The following SEMA5A variants were observed in gnomAD, a reference collection of about 807,000 sequenced individuals.
SEMA5A encodes semaphorin 5A.
Under a neutral mutation model 135.5 loss-of-function variants are expected in SEMA5A, and 55 were observed. The ratio of observed to expected loss-of-function variants is 0.41; its 90% CI spans 0.33 to 0.51. The LOEUF is 0.51. Ranked by LOEUF, SEMA5A falls within the 20% of genes least tolerant of loss-of-function variation. The pLI is 0.37. For synonymous variants in SEMA5A, 580 were observed against 546.5 expected (o/e 1.06, Z -0.85); for missense variants, 1,290 against 1,419.9 (o/e 0.91, Z 1.47).
intron 5 of SEMA5A, among the ~76,000 whole-genome samples, chr5:9,306,277 G>A (rs991545290): frequency 1.3e-5 from 2 of 152,106 alleles, no homozygotes; most frequent in Admixed American, 1.3e-4. Context: ...TTGTATGTGA[G>A]TTAGAGTTTT....
At chr5:9,233,533 T>C (rs1288656446) in intron 6 of SEMA5A, among the ~76,000 whole-genome samples, 4 of 152,060 alleles carry the variant, frequency 2.6e-5, no homozygotes, top group Admixed American at 2.6e-4. Flanking sequence ...CCAAGGGAGC[T>C]GAACATTTTC....
rs78147291 is a variant in SEMA5A, at chr5:9,400,860, G to T, written c.-77-20837C>A. On this transcript the variant is annotated intron_variant, in intron 2 of 22. Transcript: ENST00000382496. ...TCAACTCTACAATTACTTTAAATAC[G>T]TTACATTATATACAATTATAATTTA... is the stretch of plus-strand genomic sequence containing the variant. 6.9e-3 allele frequency among the ~76,000 whole-genome samples: 1,050 copies of T among 152,052 alleles called. 16 individuals are homozygous for T. Among genetic ancestry groups the T allele is most frequent in the African/African-American group, 0.024 (997 of 41,474 alleles).
At chr5:9,496,602 A>ATAT (rs1735314120) in intron 1 of SEMA5A, among the ~76,000 whole-genome samples, 1 of 152,306 alleles carries the variant, frequency 6.6e-6, no homozygotes, top group African/African-American at 2.4e-5. Context: ...AGATCAGAAA[A>ATAT]TATGTCTAAT....
chr5:9,453,647 A>G (rs1191889481), intron 1 of SEMA5A, among the ~76,000 whole-genome samples: 1 of 152,234 alleles, frequency 6.6e-6, no homozygotes, highest in Non-Finnish European at 1.5e-5. Flanking sequence ...AAACAAGGTT[A>G]TTTATTGATC....
chr5:9,207,954 CTG>C (rs1746138978), intron 8 of SEMA5A, among the ~76,000 whole-genome samples: 1 of 152,156 alleles, frequency 6.6e-6, no homozygotes, highest in Admixed American at 6.5e-5. Flanking sequence ...ACATTTGTGT[CTG>C]TGTATATGTG....
chr5:9,402,714 T>C (rs567192992), intron 2 of SEMA5A, among the ~76,000 whole-genome samples: 3 of 152,336 alleles, frequency 2.0e-5, no homozygotes, highest in Admixed American at 2.0e-4. Flanking sequence ...CCCAATAATC[T>C]CATCCTGCTT....
At chr5:9,055,735 C>A (rs371968087) in intron 18 of SEMA5A, among the ~76,000 whole-genome samples, 4 of 152,084 alleles carry the variant, frequency 2.6e-5, no homozygotes, top group African/African-American at 9.7e-5. Context: ...CAATAGTTTA[C>A]ACAAACTTGC....
chr5:9,417,361 T>C (rs1757316944), intron 2 of SEMA5A, among the ~76,000 whole-genome samples: 1 of 152,242 alleles, frequency 6.6e-6, no homozygotes, highest in Non-Finnish European at 1.5e-5. Context: ...CGTGTGCACA[T>C]TATCCACTTT....
intron 18 of SEMA5A, 133 bp from the exon 19 acceptor site, chr5:9,054,390 C>G: frequency 8.8e-7 from 1 of 1,139,148 alleles, no homozygotes; most frequent in Non-Finnish European, 1.2e-6. Context: ...AGAAAGGCTT[C>G]AGTGCATAGG....
chr5:9,503,610 A>C (rs1735704490), intron 1 of SEMA5A, among the ~76,000 whole-genome samples: 3 of 152,192 alleles, frequency 2.0e-5, no homozygotes, highest in African/African-American at 7.2e-5. Flanking sequence ...AGCATCCTAA[A>C]GTTGCATTTA....
intron 1 of SEMA5A, among the ~76,000 whole-genome samples, chr5:9,466,937 G>A (rs1451611739): frequency 6.6e-6 from 1 of 152,174 alleles, no homozygotes; most frequent in Non-Finnish European, 1.5e-5. Context: ...AATGAGCTTT[G>A]GCAGTAACAA....
chr5:9,088,659 T>TATACACACACACAC lies in SEMA5A; in HGVS notation c.2073+19480_2073+19481insGTGTGTGTGTGTAT. On this transcript the variant is annotated intron_variant, in intron 16 of 22. Transcript: ENST00000382496. ...TATAATATATATATATATATATATA[T>TATACACACACACAC]ACACACACACACTCATGGAATTCCA... Among the ~76,000 whole-genome samples the TATACACACACACAC allele has an allele frequency of 3.5e-5, 4 of 112,844 alleles. No individual in the cohort carries two copies. The East Asian group carries it at 6.6e-4, about 19-fold the overall frequency. The allele number at this position is 112,844 out of a possible 152,430, so 74.0% of individuals were successfully genotyped here. A position where few individuals can be genotyped will look rare whatever the true frequency, so the allele number is the denominator to read the frequency against.
chr5:9,310,243 T>G (rs571818724), intron 5 of SEMA5A, among the ~76,000 whole-genome samples: 3 of 151,946 alleles, frequency 2.0e-5, no homozygotes, highest in Non-Finnish European at 4.4e-5. Context: ...ATAGATGTTA[T>G]GTTAAAAAAA....
At chr5:9,072,785 CAA>C (rs929794203) in intron 16 of SEMA5A, among the ~76,000 whole-genome samples, 2 of 151,996 alleles carry the variant, frequency 1.3e-5, no homozygotes, top group African/African-American at 2.4e-5. Context: ...ATTTTTAGGA[CAA>C]AAAAATTGTC....
chr5:9,524,461 C>T (rs1737013864), intron 1 of SEMA5A, among the ~76,000 whole-genome samples: 1 of 152,158 alleles, frequency 6.6e-6, no homozygotes, highest in Non-Finnish European at 1.5e-5. Context: ...TGGAATGATG[C>T]TTCTACAAGC....
At chr5:9,131,018 G>T in intron 13 of SEMA5A, among the ~76,000 whole-genome samples, 1 of 152,084 alleles carries the variant, frequency 6.6e-6, no homozygotes, top group East Asian at 1.9e-4. Flanking sequence ...CTACATAATG[G>T]CATTGAGGAG....
chr5:9,165,623 G>T (rs1743564369), intron 11 of SEMA5A, among the ~76,000 whole-genome samples: 1 of 152,178 alleles, frequency 6.6e-6, no homozygotes, highest in Admixed American at 6.5e-5. Flanking sequence ...GATTCTATTT[G>T]ATTCTCTGCC....
intron 11 of SEMA5A, among the ~76,000 whole-genome samples, chr5:9,184,620 T>A (rs1384767479): frequency 1.3e-5 from 2 of 152,242 alleles, no homozygotes; most frequent in African/African-American, 4.8e-5. Flanking sequence ...TTCCATGAAG[T>A]TTCTAATTTA....
chr5:9,446,865 G>T (rs141370184), intron 1 of SEMA5A, among the ~76,000 whole-genome samples: 258 of 152,248 alleles, frequency 1.7e-3, no homozygotes, highest in African/African-American at 5.8e-3. Flanking sequence ...AAAGGGCTGG[G>T]TTCTTATATC....
Sources: gnomAD v4.1 joint callset for allele counts (sites outside exome capture counted in the v4.1 genomes callset) on GRCh38, gnomAD v4.1.1 for gene constraint, MANE v1.5 for transcripts, NCBI Gene and HGNC (gene_info 2026-07-23, HGNC 2026-07-21) for gene names.